The following CCDC57 variants were observed in gnomAD, a reference collection of about 807,000 sequenced individuals.
CCDC57 encodes the protein coiled-coil domain-containing protein 57.
A neutral mutation model predicts 118.9 loss-of-function variants in CCDC57; 118 were observed. That is an observed-to-expected ratio of 0.99 (90% confidence interval 0.86 to 1.16). The LOEUF is 1.16. CCDC57 is among the 50% of genes most tolerant of loss of function. CCDC57 has a pLI of 0.00. For missense variants in CCDC57, 1,300 were observed against 1,320.7 expected (o/e 0.98, Z 0.24); for synonymous variants, 527 against 532.9 (o/e 0.99, Z 0.15).
intron 18 of CCDC57, among the ~76,000 whole-genome samples, chr17:82,128,285 G>A (rs1454020882): frequency 6.6e-6 from 1 of 152,098 alleles, no homozygotes; most frequent in Non-Finnish European, 1.5e-5. Context: ...GGGGTCCCGG[G>A]GCCCTCCTAA....
At position 82,123,366 on chromosome 17, in the gene CCDC57, C is replaced by T. The variant is rs115087346; in HGVS notation, c.2899+4326G>A. ...CTGGTGTGGAACCTCTGAGTTCAAGCGATCCTCCCACTTTAGCCTCCCCAA... is the reference window on the plus strand; with the variant it reads ...CTGGTGTGGAACCTCTGAGTTCAAGTGATCCTCCCACTTTAGCCTCCCCAA... On this transcript the variant is annotated intron_variant, in intron 19 of 19. Transcript: ENST00000665763. Among the ~76,000 whole-genome samples the T allele has an allele frequency of 7.1e-3, 1,042 of 147,760 alleles. 9 individuals are homozygous for T. The highest frequency in any genetic ancestry group is 0.025 in the African/African-American group (1,007 of 39,710).
At chr17:82,113,175 G>C (rs1358827571) in intron 19 of CCDC57, 9 of 571,244 alleles carry the variant, frequency 1.6e-5, no homozygotes, top group Non-Finnish European at 3.1e-6. Flanking sequence ...AAAGTTCCAA[G>C]ACTGCCCTGT....
chr17:82,119,164 T>C (rs1326347432), intron 19 of CCDC57, among the ~76,000 whole-genome samples: 1 of 150,344 alleles, frequency 6.7e-6, no homozygotes, highest in Non-Finnish European at 1.5e-5. Context: ...CGTATTTTGA[T>C]TAGAATGACA....
chr17:82,171,932 G>A, intron 12 of CCDC57, 79 bp from the exon 12 acceptor site: 1 of 1,508,296 alleles, frequency 6.6e-7, no homozygotes, highest in Non-Finnish European at 9.0e-7. Flanking sequence ...CCAGCTCAGG[G>A]AGCCGATGCC....
At chr17:82,128,559 G>A (rs1568190378) in exon 18 of CCDC57, 1 of 1,573,400 alleles carries the variant, frequency 6.4e-7, no homozygotes, top group Non-Finnish European at 8.6e-7. Flanking sequence ...GCTTTCCCAA[G>A]TGTCTGGAAG....
At position 82,146,809 on chromosome 17, in the gene CCDC57, G is replaced by A. The variant is rs115260260; in HGVS notation, c.2455+4751C>T. Among the ~76,000 whole-genome samples the A allele has an allele frequency of 9.0e-3, 1,373 of 152,102 alleles. 18 individuals are homozygous for A. Among genetic ancestry groups the A allele is most frequent in the African/African-American group, 0.032 (1,319 of 41,466 alleles). On this transcript the variant is annotated intron_variant, in intron 16 of 19. Coordinates refer to ENST00000665763, the Ensembl canonical transcript of CCDC57. ...TATGTGCACAGTCTCACACACAAAC[G>A]TGTGTGCACACAGTCTCACATACAA...
At chr17:82,203,395 A>G (rs2049227558) in intron 2 of CCDC57, among the ~76,000 whole-genome samples, 1 of 152,204 alleles carries the variant, frequency 6.6e-6, no homozygotes, top group Admixed American at 6.5e-5. Context: ...CAATGTGAGA[A>G]TGGTCTAATA....
chr17:82,150,080 G>A (rs1399368755), intron 16 of CCDC57, among the ~76,000 whole-genome samples: 1 of 122,484 alleles, frequency 8.2e-6, no homozygotes, highest in Non-Finnish European at 1.7e-5. Context: ...CTCAGAACCT[G>A]GTGCACACCC....
intron 3 of CCDC57, among the ~76,000 whole-genome samples, chr17:82,199,027 A>G (rs2048664437): frequency 7.2e-6 from 1 of 138,718 alleles, no homozygotes; most frequent in Non-Finnish European, 1.6e-5. Context: ...GAAAAAAAAG[A>G]AAGATCTGAG....
At chr17:82,122,492 G>A (rs942991289) in intron 19 of CCDC57, among the ~76,000 whole-genome samples, 5 of 152,218 alleles carry the variant, frequency 3.3e-5, no homozygotes, top group African/African-American at 1.2e-4. Context: ...AGGTGCTTGT[G>A]GTCGCTCTAG....
chr17:82,152,052 G>A (rs375085619), intron 15 of CCDC57: 344 of 466,510 alleles, frequency 7.4e-4, no homozygotes, highest in African/African-American at 6.1e-3. Flanking sequence ...CCTCCTCCCC[G>A]CCATCCCTGC....
chr17:82,137,263 C>T (rs531410295), intron 16 of CCDC57, among the ~76,000 whole-genome samples: 30 of 152,252 alleles, frequency 2.0e-4, no homozygotes, highest in South Asian at 8.3e-4. Context: ...TCCTATGATC[C>T]GCCCACCTCG....
At chr17:82,119,513 T>C (rs556308298) in intron 19 of CCDC57, among the ~76,000 whole-genome samples, 3 of 151,060 alleles carry the variant, frequency 2.0e-5, no homozygotes, top group East Asian at 3.9e-4. Flanking sequence ...AGCAGACCGA[T>C]AGAATCAAGT....
chr17:82,114,418 A>G (rs1480188102), intron 19 of CCDC57, among the ~76,000 whole-genome samples: 1 of 152,174 alleles, frequency 6.6e-6, no homozygotes, highest in Admixed American at 6.5e-5. Context: ...ATGTCTTGGG[A>G]GCCCAGCTGG....
intron 11 of CCDC57, among the ~76,000 whole-genome samples, chr17:82,177,957 G>A (rs2045740094): frequency 6.6e-6 from 1 of 152,222 alleles, no homozygotes; most frequent in Non-Finnish European, 1.5e-5. Context: ...CCCTCTGCCT[G>A]TGGACCCAGC....
intron 8 of CCDC57, 60 bp downstream of exon 7, chr17:82,188,159 T>C (rs1894675622): frequency 2.1e-6 from 3 of 1,440,224 alleles, no homozygotes; most frequent in Non-Finnish European, 2.8e-6. Flanking sequence ...TGGGCCCAGG[T>C]CAGCACAGCC....
chr17:82,180,038 G>C (rs1345818238), intron 9 of CCDC57, among the ~76,000 whole-genome samples: 1 of 152,192 alleles, frequency 6.6e-6, no homozygotes, highest in Non-Finnish European at 1.5e-5. Context: ...ATGGTGGCAT[G>C]GCTCTGCGTG....
intron 19 of CCDC57, among the ~76,000 whole-genome samples, chr17:82,116,499 C>T (rs1356942401): frequency 2.6e-5 from 4 of 152,108 alleles, no homozygotes; most frequent in Non-Finnish European, 5.9e-5. Flanking sequence ...ACAGCACAGC[C>T]GAATTCCTCA....
intron 14 of CCDC57, among the ~76,000 whole-genome samples, chr17:82,159,103 A>G (rs1402481046): frequency 6.6e-6 from 1 of 152,012 alleles, no homozygotes; most frequent in Admixed American, 6.6e-5. Context: ...CTGAGCTCAA[A>G]TAATCCTCCC....
Sources: gnomAD v4.1 joint callset for allele counts (sites outside exome capture counted in the v4.1 genomes callset) on GRCh38, gnomAD v4.1.1 for gene constraint, MANE v1.5 for transcripts, NCBI Gene and HGNC (gene_info 2026-07-23, HGNC 2026-07-21) for gene names.